Variants in INPP4B observed in about 807,000 individuals in gnomAD.
INPP4B encodes the protein inositol polyphosphate-4-phosphatase type II B.
In INPP4B, 55 loss-of-function variants were observed where a neutral mutation model predicts 122.5. The observed-to-expected ratio is 0.45, with a 90% confidence interval of 0.36 to 0.56. INPP4B has a LOEUF of 0.56. INPP4B is among the 20% of genes least tolerant of loss of function. The probability of loss-of-function intolerance (pLI) is 0.00; values close to 1 mark genes in which losing one functional copy is unlikely to be tolerated. For missense variants in INPP4B, 1,000 were observed against 1,097.7 expected, an observed-to-expected ratio of 0.91 and a Z score of 1.26; for synonymous variants, 403 against 388.7, an observed-to-expected ratio of 1.04 and a Z score of -0.43.
chr4:142,548,749 CTG>C (rs35765248), intron 2 of INPP4B, among the ~76,000 whole-genome samples: 12,456 of 144,784 alleles, frequency 0.086, 780 homozygotes, highest in African/African-American at 0.18. Flanking sequence ...ACAGATGTGT[CTG>C]TGTGTGTGTG....
intron 18 of INPP4B, among the ~76,000 whole-genome samples, chr4:142,144,925 A>C (rs1809861887): frequency 6.6e-6 from 1 of 151,788 alleles, no homozygotes; most frequent in African/African-American, 2.4e-5. Context: ...CTTTTTTTTT[A>C]AAGTAAAAGA....
chr4:142,045,781 T>C lies in INPP4B; in HGVS notation c.2643-16867A>G, dbSNP rs77097774. 8.2e-3 allele frequency among the ~76,000 whole-genome samples: 1,256 copies of C among 152,274 alleles called. 14 individuals carry two copies. Among genetic ancestry groups the C allele is most frequent in the Non-Finnish European group, 8.5e-3 (579 of 68,014 alleles). On this transcript the variant is annotated intron_variant, in intron 25 of 25. Coordinates refer to ENST00000262992, the MANE Select transcript of INPP4B (RefSeq NM_001101669.3). ...TTAGTCAAGAGATATTAATTAAGCA[T>C]CTGCATTGTGCTAGGCTTTTAAGTA...
At chr4:142,082,562 C>G (rs115975498) in intron 24 of INPP4B, among the ~76,000 whole-genome samples, 1,605 of 152,100 alleles carry the variant, frequency 0.011, 28 homozygotes, top group African/African-American at 0.037. Context: ...AACAAACAAA[C>G]AACCAACCAA....
At chr4:142,172,418 C>A (rs967581640) in intron 16 of INPP4B, among the ~76,000 whole-genome samples, 4 of 151,840 alleles carry the variant, frequency 2.6e-5, no homozygotes, top group African/African-American at 9.7e-5. Context: ...AGCCCCTTGC[C>A]CTATTTGACG....
chr4:142,462,481 A>G (rs947218825), intron 3 of INPP4B, among the ~76,000 whole-genome samples, 182 bp downstream of exon 3: 1 of 152,212 alleles, frequency 6.6e-6, no homozygotes, highest in Admixed American at 6.5e-5. Context: ...AATTGGTTTA[A>G]TGTAGTTATA....
chr4:142,338,562 A>C (rs1777636425), intron 7 of INPP4B, among the ~76,000 whole-genome samples: 1 of 152,162 alleles, frequency 6.6e-6, no homozygotes, highest in Non-Finnish European at 1.5e-5. Flanking sequence ...TTGCTGCTAT[A>C]TGGAAATCTG....
chr4:142,397,255 A>G (rs1799647528), intron 7 of INPP4B, among the ~76,000 whole-genome samples: 1 of 152,220 alleles, frequency 6.6e-6, no homozygotes, highest in Non-Finnish European at 1.5e-5. Flanking sequence ...CAAAAGGCAG[A>G]GGCTGAATGA....
intron 10 of INPP4B, among the ~76,000 whole-genome samples, chr4:142,261,602 C>G (rs1740050506): frequency 6.6e-6 from 1 of 152,110 alleles, no homozygotes; most frequent in Non-Finnish European, 1.5e-5. Context: ...CTCAGACAAG[C>G]TTCTCCAAGG....
Position 142,312,503 on chromosome 4 carries a change from T to C in INPP4B, c.423+2209A>G, listed in dbSNP as rs537589686. Among the ~76,000 whole-genome samples the C allele has an allele frequency of 2.2e-3, 330 of 152,200 alleles. 1 individual carries two copies. The highest frequency in any genetic ancestry group is 7.3e-3 in the African/African-American group (304 of 41,458). On this transcript the variant is annotated intron_variant, in intron 8 of 25. Coordinates refer to ENST00000262992, the MANE Select transcript of INPP4B (RefSeq NM_001101669.3). ...CTGATTGTCTCTCCTTTGAGAATCA[T>C]TGAATATGATCCAGTGCCTGAAGCT...
intron 1 of INPP4B, among the ~76,000 whole-genome samples, chr4:142,789,186 G>A (rs1580921042): frequency 6.6e-6 from 1 of 152,148 alleles, no homozygotes; most frequent in East Asian, 1.9e-4. Flanking sequence ...GATAAGGATG[G>A]CCACTCTCAT....
At chr4:142,645,005 C>A (rs1317910586) in intron 2 of INPP4B, among the ~76,000 whole-genome samples, 1 of 150,902 alleles carries the variant, frequency 6.6e-6, no homozygotes, top group African/African-American at 2.4e-5. Context: ...ATGTTAAGAT[C>A]TGATTCTATA....
intron 2 of INPP4B, among the ~76,000 whole-genome samples, chr4:142,575,297 CA>C (rs1433016593): frequency 6.6e-6 from 1 of 151,802 alleles, no homozygotes; most frequent in Non-Finnish European, 1.5e-5. Context: ...TGGACTCACT[CA>C]AGAAAAAAAT....
chr4:142,269,278 C>T (rs370959564), intron 10 of INPP4B, among the ~76,000 whole-genome samples: 1 of 136,096 alleles, frequency 7.3e-6, no homozygotes, highest in Non-Finnish European at 1.6e-5. Context: ...GACCACTTAC[C>T]TCATTGCCTA....
At chr4:142,567,309 C>A (rs1297515426) in intron 2 of INPP4B, among the ~76,000 whole-genome samples, 1 of 152,144 alleles carries the variant, frequency 6.6e-6, no homozygotes, top group Non-Finnish European at 1.5e-5. Context: ...AGACCCATCA[C>A]TTCACACACT....
chr4:142,832,277 C>T (rs1456883253), intron 1 of INPP4B, among the ~76,000 whole-genome samples: 1 of 152,072 alleles, frequency 6.6e-6, no homozygotes, highest in Non-Finnish European at 1.5e-5. Context: ...ATGTTTCCTT[C>T]CAACTATAAT....
At chr4:142,613,236 C>T (rs986559452) in intron 2 of INPP4B, among the ~76,000 whole-genome samples, 1 of 152,204 alleles carries the variant, frequency 6.6e-6, no homozygotes, top group Admixed American at 6.5e-5. Flanking sequence ...TAGTTTAATA[C>T]ACTACTATTT....
At chr4:142,195,857 C>T (rs1043958598) in intron 14 of INPP4B, among the ~76,000 whole-genome samples, 1 of 152,144 alleles carries the variant, frequency 6.6e-6, no homozygotes, top group Non-Finnish European at 1.5e-5. Flanking sequence ...GTGTCTTATA[C>T]GAGGACTATG....
intron 2 of INPP4B, among the ~76,000 whole-genome samples, chr4:142,631,864 C>G (rs925449818): frequency 3.9e-5 from 6 of 152,056 alleles, no homozygotes; most frequent in Non-Finnish European, 8.8e-5. Flanking sequence ...AAATTGCAGA[C>G]AAATTCATTT....
chr4:142,409,615 A>G (rs1804187586), intron 5 of INPP4B, among the ~76,000 whole-genome samples: 1 of 152,210 alleles, frequency 6.6e-6, no homozygotes, highest in Non-Finnish European at 1.5e-5. Context: ...CTAGGCACTG[A>G]ACAAACTGGA....
Sources: allele counts gnomAD v4.1 joint callset (sites outside exome capture counted in the v4.1 genomes callset), GRCh38; gene constraint gnomAD v4.1.1; transcripts MANE v1.5; gene names NCBI Gene and HGNC (gene_info 2026-07-23, HGNC 2026-07-21).